The following GAS2L3 variants were observed in gnomAD, a reference collection of about 807,000 sequenced individuals.
GAS2L3 encodes growth arrest specific 2 like 3.
GAS2L3 carries 28 observed loss-of-function variants against 37.0 expected under a neutral mutation model. The observed-to-expected ratio is 0.76, with a 90% CI of 0.56 to 1.04. The LOEUF (loss-of-function observed/expected upper bound fraction) is 1.04. Among genes scored for constraint, GAS2L3 ranks in the 50% least tolerant of loss-of-function variants. GAS2L3 has a pLI of 0.00. For synonymous variants in GAS2L3, 290 were observed against 296.6 expected (o/e 0.98, Z 0.23); for missense variants, 793 against 817.6 (o/e 0.97, Z 0.37).
At chr12:100,579,472 T>C (rs1955680875) in intron 1 of GAS2L3, 1 of 776,012 alleles carries the variant, frequency 1.3e-6, no homozygotes, top group South Asian at 1.4e-5. Flanking sequence ...ATTTGGTTAG[T>C]GGTATTATAC....
chr12:100,583,564 C>T (rs534100919), intron 1 of GAS2L3, among the ~76,000 whole-genome samples: 41 of 152,216 alleles, frequency 2.7e-4, no homozygotes, highest in African/African-American at 9.2e-4. Context: ...CTCCACCTCC[C>T]GGGTTCAAGC....
intron 1 of GAS2L3, among the ~76,000 whole-genome samples, chr12:100,583,341 C>T (rs746258920): frequency 1.1e-4 from 17 of 152,236 alleles, no homozygotes; most frequent in Non-Finnish European, 2.2e-4. Flanking sequence ...CTGTCTACTA[C>T]ACATGGAGTT....
intron 1 of GAS2L3, among the ~76,000 whole-genome samples, chr12:100,577,951 T>A (rs1283430052): frequency 2.0e-5 from 3 of 152,224 alleles, no homozygotes; most frequent in Admixed American, 6.5e-5. Flanking sequence ...CTGGTGAGGA[T>A]CCTACAAATC....
Position 100,624,593 on chromosome 12 carries a change from A to AT in GAS2L3, c.1791dup (p.Gln598SerfsTer40). The AT allele has an allele frequency of 1.9e-6, 3 of 1,614,124 alleles. No individual in the cohort carries two copies. Among genetic ancestry groups the AT allele is most frequent in the Non-Finnish European group, 2.5e-6 (3 of 1,180,028 alleles). ...AAAAGCAGCCTCAGAATAAAAGTGC[A>AT]TTTCAGAAGACAGGACCCAGCTCCT... is the stretch of plus-strand genomic sequence containing the variant. On this transcript the variant is annotated frameshift_variant, in exon 10 of 10. Coordinates refer to ENST00000547754, the MANE Select transcript of GAS2L3 (RefSeq NM_174942.3). LOFTEE classifies it low-confidence loss of function (END_TRUNC).
chr12:100,579,883 T>C, intron 1 of GAS2L3: 1 of 753,702 alleles, frequency 1.3e-6, no homozygotes, highest in South Asian at 1.4e-5. Context: ...CGTAACATAG[T>C]AAAGACTTTC....
chr12:100,621,791 T>C (rs1284830501), intron 8 of GAS2L3, among the ~76,000 whole-genome samples: 6 of 149,968 alleles, frequency 4.0e-5, no homozygotes, highest in Middle Eastern at 3.4e-3. Context: ...AACGAACTCA[T>C]ATGTTTCCTA....
chr12:100,580,518 G>C (rs948593488), intron 1 of GAS2L3, among the ~76,000 whole-genome samples: 17 of 152,138 alleles, frequency 1.1e-4, no homozygotes, highest in African/African-American at 4.1e-4. Flanking sequence ...GGGTGCTGAA[G>C]GGCCAAACAT....
At chr12:100,602,685 A>C (rs1330695731) in intron 5 of GAS2L3, among the ~76,000 whole-genome samples, 4 of 152,086 alleles carry the variant, frequency 2.6e-5, no homozygotes, top group African/African-American at 9.7e-5. Context: ...TGTACAATTA[A>C]ATTATTATTG....
At chr12:100,578,745 T>C in intron 1 of GAS2L3, 3 of 526,292 alleles carry the variant, frequency 5.7e-6, no homozygotes, top group Non-Finnish European at 1.1e-5. Context: ...CATCTCAGCA[T>C]GGCGTATAAA....
intron 3 of GAS2L3, 132 bp from the exon 4 acceptor site, chr12:100,600,250 T>C (rs1042720691): frequency 3.2e-6 from 2 of 616,940 alleles, no homozygotes; most frequent in Non-Finnish European, 5.6e-6. Flanking sequence ...ATATTTGCTG[T>C]GAGCCACAGC....
chr12:100,598,461 A>G (rs1018332558), intron 3 of GAS2L3, among the ~76,000 whole-genome samples: 1 of 152,134 alleles, frequency 6.6e-6, no homozygotes, highest in African/African-American at 2.4e-5. Flanking sequence ...ATCAGGTAGC[A>G]TATGATTTTG....
intron 1 of GAS2L3, among the ~76,000 whole-genome samples, chr12:100,582,616 T>C (rs1174912570): frequency 6.6e-6 from 1 of 152,222 alleles, no homozygotes; most frequent in Admixed American, 6.5e-5. Context: ...AGGTTGCCCA[T>C]GACAAACTGA....
intron 1 of GAS2L3, among the ~76,000 whole-genome samples, chr12:100,574,924 A>G (rs561066356): frequency 6.6e-6 from 1 of 152,056 alleles, no homozygotes; most frequent in Non-Finnish European, 1.5e-5. Context: ...CTCATTAGAA[A>G]CCAACTGTCA....
intron 8 of GAS2L3, among the ~76,000 whole-genome samples, chr12:100,622,037 A>G (rs1956261205): frequency 6.6e-6 from 1 of 152,010 alleles, no homozygotes; most frequent in Non-Finnish European, 1.5e-5. Flanking sequence ...TCTTTGGTAA[A>G]ATTGGGGAAA....
intron 3 of GAS2L3, among the ~76,000 whole-genome samples, chr12:100,599,125 C>T (rs1296925284): frequency 6.6e-6 from 1 of 152,160 alleles, no homozygotes; most frequent in African/African-American, 2.4e-5. Flanking sequence ...CAAGCCACCC[C>T]ACTCTTGGAA....
At chr12:100,621,874 T>TGGG (rs757283474) in intron 8 of GAS2L3, among the ~76,000 whole-genome samples, 1 of 88,792 alleles carries the variant, frequency 1.1e-5, no homozygotes, top group African/African-American at 5.1e-5. Context: ...GGAGGGAGGG[T>TGGG]GGGGGGGGGA....
At chr12:100,574,713 AAAC>A (rs1353893628) in intron 1 of GAS2L3, among the ~76,000 whole-genome samples, 4 of 152,224 alleles carry the variant, frequency 2.6e-5, no homozygotes, top group East Asian at 1.9e-4. Flanking sequence ...AAACAAACAA[AAAC>A]AACAAGAACA....
Position 100,624,550 on chromosome 12 carries a change from AT to A in GAS2L3, c.1746del (p.Asn582LysfsTer2). The A allele has an allele frequency of 6.2e-7, 1 of 1,614,072 alleles. No homozygotes were observed. The highest frequency in any genetic ancestry group is 8.5e-7 in the Non-Finnish European group (1 of 1,180,022). On this transcript the variant is annotated frameshift_variant, in exon 10 of 10. Transcript: ENST00000547754. LOFTEE classifies it low-confidence loss of function (END_TRUNC). ...VKATQKSKDK[N>X]IVSATKKQPQ... ...GCCACACAGAAATCAAAAGATAAGA[AT>A]ATAGTTTCAGCTACCAAAAAGCAGC...
At chr12:100,595,239 T>C (rs1461203107) in intron 3 of GAS2L3, among the ~76,000 whole-genome samples, 1 of 151,784 alleles carries the variant, frequency 6.6e-6, no homozygotes, top group African/African-American at 2.4e-5. Context: ...GGAAAAGAGG[T>C]GGAATATTTT....
Sources: gnomAD v4.1 joint callset for allele counts (sites outside exome capture counted in the v4.1 genomes callset) on GRCh38, gnomAD v4.1.1 for gene constraint, MANE v1.5 for transcripts, NCBI Gene and HGNC (gene_info 2026-07-23, HGNC 2026-07-21) for gene names.